HDX: variants seen among roughly 807,000 people sequenced by gnomAD.
The protein encoded by HDX is highly divergent homeobox.
HDX carries 19 observed loss-of-function variants against 45.2 expected under a neutral mutation model. The observed-to-expected ratio is 0.42, with a 90% CI of 0.29 to 0.62. HDX has a LOEUF of 0.62. Among genes scored for constraint, HDX ranks in the 20% least tolerant of loss-of-function variants. HDX has a pLI of 0.20. For missense variants in HDX, 532 were observed against 493.9 expected (o/e 1.08, Z -0.73); for synonymous variants, 188 against 172.8 (o/e 1.09, Z -0.69).
At chrX:84,367,526 A>G (rs899032783) in intron 5 of HDX, among the ~76,000 whole-genome samples, 1 of 112,421 alleles carries the variant, frequency 8.9e-6, no homozygotes, top group Non-Finnish European at 1.9e-5. Context: ...ATTTTAAATC[A>G]TTCTACTGTA....
chrX:84,490,698 T>C (rs1180993199), intron 1 of HDX, among the ~76,000 whole-genome samples: 3 of 104,132 alleles, frequency 2.9e-5, no homozygotes, highest in Non-Finnish European at 4.2e-5. Context: ...TTTAAATTTA[T>C]TTTTTATAAT....
chrX:84,383,118 T>A (rs2038228297), intron 5 of HDX, among the ~76,000 whole-genome samples: 2 of 111,334 alleles, frequency 1.8e-5, no homozygotes, highest in African/African-American at 3.3e-5. Flanking sequence ...GCATTCTTCT[T>A]AATCCTGGCC....
intron 5 of HDX, among the ~76,000 whole-genome samples, chrX:84,372,959 G>T (rs1295729766): frequency 8.9e-6 from 1 of 111,755 alleles, no homozygotes; most frequent in African/African-American, 3.2e-5. Flanking sequence ...AATACTCATA[G>T]TTTTAAACTG....
chrX:84,441,392 A>T (rs2039758637), intron 4 of HDX, among the ~76,000 whole-genome samples: 1 of 111,714 alleles, frequency 9.0e-6, no homozygotes, highest in Non-Finnish European at 1.9e-5. Flanking sequence ...TCTTAATACA[A>T]ATCTTAGACC....
At chrX:84,381,244 A>G (rs747684421) in intron 5 of HDX, among the ~76,000 whole-genome samples, 4 of 111,515 alleles carry the variant, frequency 3.6e-5, no homozygotes, top group African/African-American at 1.3e-4. Context: ...ATCGACGGAA[A>G]TAATCAATAA....
intron 5 of HDX, among the ~76,000 whole-genome samples, chrX:84,367,643 CAT>C (rs1250095128): frequency 8.9e-6 from 1 of 112,103 alleles, no homozygotes; most frequent in Non-Finnish European, 1.9e-5. Context: ...AAATGTGGCA[CAT>C]ATATACCATG....
intron 4 of HDX, among the ~76,000 whole-genome samples, chrX:84,463,352 A>G (rs2040279593): frequency 9.0e-6 from 1 of 111,192 alleles, no homozygotes. Flanking sequence ...TTTAAATGCC[A>G]CGATATTTAA....
intron 6 of HDX, among the ~76,000 whole-genome samples, chrX:84,345,206 T>C (rs2037172641): frequency 9.0e-6 from 1 of 111,595 alleles, no homozygotes; most frequent in Admixed American, 9.5e-5. Context: ...CTTCTCCAAC[T>C]TCCATCTTAC....
At chrX:84,500,307 A>AG (rs1028325179) in intron 1 of HDX, 9 of 82,936 alleles carry the variant, frequency 1.1e-4, no homozygotes, top group African/African-American at 5.3e-4. Context: ...ATTGTTTTCT[A>AG]GGGGAAAAAA....
intron 5 of HDX, among the ~76,000 whole-genome samples, chrX:84,417,275 C>T (rs776307924): frequency 1.8e-5 from 2 of 109,149 alleles, no homozygotes; most frequent in Non-Finnish European, 3.8e-5. Context: ...TCCTTGTTTC[C>T]TCACATAAGC....
rs750363534 is a variant in HDX at position 84,344,348 on chromosome X, G to A, written c.1562C>T (p.Ser521Phe). Residue 521 changes from serine (S) to phenylalanine (F), a missense_variant, in exon 7 of 11, where the codon TCT becomes TTT. By Grantham distance (155) the Ser-to-Phe change is radical. This residue lies in a region of HDX where 151 missense variants were observed against 131.8 expected (regional missense o/e 1.15). Coordinates refer to ENST00000373177, the MANE Select transcript of HDX (RefSeq NM_001177479.2). Reference sequence around the variant, plus strand: ...AGCTTCCTCTCCTGGTGTGAGTGCAGATAAAGAACCAGACTCAGGCTGCTC... The same window carrying A: ...AGCTTCCTCTCCTGGTGTGAGTGCAAATAAAGAACCAGACTCAGGCTGCTC... Reference protein sequence around the residue: ...FSEQPESGSLSALTPGEEAGP... With the variant: ...FSEQPESGSLFALTPGEEAGP... 1 of 1,205,978 alleles carries A rather than the reference G, an allele frequency of 8.3e-7. No homozygotes were observed. The highest frequency in any genetic ancestry group is 1.1e-6 in the Non-Finnish European group (1 of 890,652).
intron 4 of HDX, among the ~76,000 whole-genome samples, chrX:84,459,842 G>A (rs1227379246): frequency 9.0e-6 from 1 of 111,114 alleles, no homozygotes; most frequent in Non-Finnish European, 1.9e-5. Context: ...AAAATCAGAG[G>A]TATAAAAGGA....
In HDX at chrX:84,374,399, G is replaced by GA. The variant is rs1169910427; in HGVS notation, c.1306-12788dup. On this transcript the variant is annotated intron_variant, in intron 5 of 10. Transcript: ENST00000373177. ...ACCAATGATCTTCTTCACAGAATTGGAAAAAACTACTTTAAAGTTCATATG... is the reference window on the plus strand; with the variant it reads ...ACCAATGATCTTCTTCACAGAATTGGAAAAAAACTACTTTAAAGTTCATATG... Among the ~76,000 whole-genome samples, 3 of 109,790 alleles carry GA rather than the reference G, an allele frequency of 2.7e-5. No homozygotes were observed. The East Asian group carries it at 8.6e-4, about 32-fold the overall frequency.
chrX:84,381,899 C>A (rs187890777), intron 5 of HDX, among the ~76,000 whole-genome samples: 2,205 of 110,668 alleles, frequency 0.02, 54 homozygotes, highest in African/African-American at 0.069. Flanking sequence ...AAGAAAACAA[C>A]AAAATGAAAA....
At chrX:84,448,957 A>G (rs1364509523) in intron 4 of HDX, among the ~76,000 whole-genome samples, 1 of 109,775 alleles carries the variant, frequency 9.1e-6, no homozygotes, top group Non-Finnish European at 1.9e-5. Context: ...TCATTTAAAA[A>G]AGAAATTCTG....
intron 10 of HDX, 86 bp from the exon 11 acceptor site, chrX:84,322,100 G>T: frequency 1.9e-6 from 1 of 539,491 alleles, no homozygotes. Context: ...CTCCCATGGT[G>T]AATTATCCTT....
chrX:84,406,513 C>T (rs1349851829), intron 5 of HDX, among the ~76,000 whole-genome samples: 1 of 55,719 alleles, frequency 1.8e-5, no homozygotes, highest in East Asian at 1.0e-3. Context: ...CACACACACA[C>T]ACACATACAC....
chrX:84,424,106 A>G (rs2039331379), intron 5 of HDX, among the ~76,000 whole-genome samples: 1 of 111,735 alleles, frequency 8.9e-6, no homozygotes, highest in Non-Finnish European at 1.9e-5. Context: ...GAAGGAATAA[A>G]GAAATTCAGT....
At chrX:84,404,784 C>A (rs756998372) in intron 5 of HDX, among the ~76,000 whole-genome samples, 6 of 111,260 alleles carry the variant, frequency 5.4e-5, no homozygotes, top group Admixed American at 9.6e-5. Context: ...ATGAAGTAGA[C>A]AGAATAAGGG....
Sources: gnomAD v4.1 joint callset for allele counts (sites outside exome capture counted in the v4.1 genomes callset) on GRCh38, gnomAD v4.1.1 for gene constraint, gnomAD v4.1.1 regional missense constraint, MANE v1.5 for transcripts, NCBI Gene and HGNC (gene_info 2026-07-23, HGNC 2026-07-21) for gene names.